The following PCM1 variants were observed in gnomAD, a reference collection of about 807,000 sequenced individuals.
PCM1 encodes pericentriolar material 1 protein.
Under a neutral mutation model 241.9 loss-of-function variants are expected in PCM1, and 157 were observed. That is an observed-to-expected ratio of 0.65 (90% CI 0.57 to 0.74). The LOEUF (loss-of-function observed/expected upper bound fraction) is 0.74, where lower values mean the gene tolerates loss of function less well. Among genes scored for constraint, PCM1 ranks in the 30% least tolerant of loss-of-function variants. PCM1 has a pLI of 0.00. For synonymous variants in PCM1, 1,085 were observed against 784.9 expected (o/e 1.38, Z -6.39); for missense variants, 3,478 against 2,360.1 (o/e 1.47, Z -9.81).
At chr8:17,984,814 ACT>A (rs1226440747) in intron 24 of PCM1, among the ~76,000 whole-genome samples, 6 of 151,934 alleles carry the variant, frequency 3.9e-5, no homozygotes, top group African/African-American at 1.4e-4. Context: ...GAAACTGAAA[ACT>A]TCAGTTGGAT....
chr8:17,977,200 T>C (rs1031064485), intron 23 of PCM1, among the ~76,000 whole-genome samples: 2 of 152,196 alleles, frequency 1.3e-5, no homozygotes, highest in Admixed American at 6.5e-5. Context: ...ATTTTACATA[T>C]TGCTTTTGGC....
intron 26 of PCM1, among the ~76,000 whole-genome samples, chr8:17,986,431 T>TA (rs1393452630): frequency 6.9e-6 from 1 of 143,900 alleles, no homozygotes; most frequent in Non-Finnish European, 1.5e-5. Flanking sequence ...CAGATTACAG[T>TA]AAAAACACTT....
chr8:17,925,269 A>G (rs2056475626), intron 2 of PCM1: 3 of 152,206 alleles, frequency 2.0e-5, no homozygotes, highest in African/African-American at 7.2e-5. Flanking sequence ...AAGTTACTTG[A>G]AACATTACTT....
chr8:17,947,124 A>T, intron 6 of PCM1, 62 bp from the exon 7 acceptor site: 2 of 1,047,752 alleles, frequency 1.9e-6, no homozygotes, highest in South Asian at 1.7e-5. Context: ...TGCCATTGAT[A>T]ATTGAAACCG....
rs1437601720 is a variant in PCM1, at chr8:18,011,780, C to G, written c.5464C>G (p.Leu1822Val). ...AGGCCCTGTGGATGTCCAGACTTCC[C>G]TCCAGGCTAACACTGAAGCTACTGA... ...EEGPVDVQTS[L>V]QANTEATEEN... The change falls in exon 34 of 39, where the codon CTC (leucine) becomes GTC (valine). Residue 1822 changes from leucine to valine, a missense_variant. Coordinates refer to ENST00000325083, the MANE Select transcript of PCM1 (RefSeq NM_006197.4). 6.2e-7 allele frequency: 1 copy of G among 1,613,632 alleles called. No homozygotes were observed. Among genetic ancestry groups the G allele is most frequent in the Admixed American group, 1.7e-5 (1 of 59,962 alleles).
intron 24 of PCM1, 29 bp downstream of exon 24, chr8:17,980,784 T>G (rs754859797): frequency 1.3e-6 from 2 of 1,536,846 alleles, no homozygotes; most frequent in South Asian, 1.2e-5. Flanking sequence ...TGCATTAATA[T>G]AAGGAGGTTT....
rs780135972 is a variant in PCM1, at chr8:17,991,576, C to T, written c.4566C>T (p.Ala1522=). The change falls in exon 28 of 39, where the codon GCC becomes GCT. Residue 1522 remains alanine (A), a synonymous_variant. Coordinates refer to ENST00000325083, the MANE Select transcript of PCM1 (RefSeq NM_006197.4). ...TGATTCACTTAGATCAAGCATTAGC[C>T]AGAATGAGAGAATATGAGCGTATGA... ...NTVIHLDQAL[A]RMREYERMKT... 6.2e-7 allele frequency: 1 copy of T among 1,601,742 alleles called. No homozygotes were observed. The highest frequency in any genetic ancestry group is 8.5e-7 in the Non-Finnish European group (1 of 1,173,732).
intron 29 of PCM1, among the ~76,000 whole-genome samples, chr8:18,001,991 CTTTCTTTTTTTTTTT>C (rs2089628647): frequency 3.9e-5 from 1 of 25,526 alleles, no homozygotes; most frequent in Non-Finnish European, 6.9e-5. Flanking sequence ...TGCTTCTAAC[CTTTCTTTTTTTTTTT>C]TTTTTTTTTT....
intron 4 of PCM1, among the ~76,000 whole-genome samples, chr8:17,938,019 G>C (rs889875573): frequency 5.3e-5 from 8 of 152,102 alleles, no homozygotes; most frequent in Non-Finnish European, 1.0e-4. Flanking sequence ...TTTTCAGACA[G>C]TTCTTCATGT....
chr8:17,997,233 G>A (rs1453245994), intron 29 of PCM1, among the ~76,000 whole-genome samples: 2 of 151,982 alleles, frequency 1.3e-5, no homozygotes, highest in African/African-American at 2.4e-5. Context: ...GACCTGTAAG[G>A]ATTCTAGTGA....
chr8:18,017,230 C>T lies in PCM1; in HGVS notation c.5841+2390C>T, dbSNP rs1183158675. On this transcript the variant is annotated intron_variant, in intron 36 of 38. Transcript: ENST00000325083. The stretch of plus-strand genomic sequence containing the variant: ...AAAGTTGAATCTATTTCTGATTACA[C>T]GGCTAAATTGGAAATCTCATTTGTT... Among the ~76,000 whole-genome samples the T allele has an allele frequency of 5.3e-5, 8 of 152,146 alleles. No homozygotes were observed. In the East Asian group the frequency reaches 7.7e-4, roughly 15 times the overall value.
At chr8:18,000,440 T>A (rs2088885772) in intron 29 of PCM1, among the ~76,000 whole-genome samples, 1 of 152,022 alleles carries the variant, frequency 6.6e-6, no homozygotes, top group Non-Finnish European at 1.5e-5. Flanking sequence ...AGAAGAGAAA[T>A]GATAGTGGCT....
chr8:17,977,958 C>T (rs1167935095), intron 23 of PCM1, among the ~76,000 whole-genome samples: 2 of 151,944 alleles, frequency 1.3e-5, no homozygotes, highest in Non-Finnish European at 2.9e-5. Context: ...GACCTAGTTA[C>T]CAGGGAGAAA....
chr8:17,942,455 CA>C (rs1054168090), intron 6 of PCM1, among the ~76,000 whole-genome samples: 22 of 145,856 alleles, frequency 1.5e-4, no homozygotes, highest in East Asian at 2.0e-4. Context: ...GACTGCGTCT[CA>C]AAAAAAAAAT....
chr8:17,978,704 A>G (rs1339793777), intron 23 of PCM1, among the ~76,000 whole-genome samples: 2 of 152,326 alleles, frequency 1.3e-5, no homozygotes, highest in African/African-American at 2.4e-5. Context: ...GAATCAAAAT[A>G]GAGACCTTTA....
Position 17,980,576 on chromosome 8 carries a change from C to CT in PCM1, c.3944-8dup, listed in dbSNP as rs759666827. On this transcript the variant is annotated splice_polypyrimidine_tract_variant and intron_variant, in intron 23 of 38. Coordinates refer to ENST00000325083, the MANE Select transcript of PCM1 (RefSeq NM_006197.4). ...TAGTTGCAACTGATAACAGTTGTCA[C>CT]TTTTTTTACTCAAGGGTATGAAAGT... 9.6e-6 allele frequency: 15 copies of CT among 1,560,706 alleles called. No individual in the cohort carries two copies. The highest frequency in any genetic ancestry group is 6.8e-5 in the East Asian group (3 of 44,072).
intron 3 of PCM1, among the ~76,000 whole-genome samples, chr8:17,936,290 G>A (rs2060411629): frequency 6.6e-6 from 1 of 152,096 alleles, no homozygotes; most frequent in Non-Finnish European, 1.5e-5. Context: ...CAGGTTGGCA[G>A]GAATATTCAC....
At chr8:18,012,429 CTG>C (rs1270291913) in intron 34 of PCM1, among the ~76,000 whole-genome samples, 1 of 152,168 alleles carries the variant, frequency 6.6e-6, no homozygotes, top group African/African-American at 2.4e-5. Context: ...TAATCTCTCA[CTG>C]TGCTCCATTT....
intron 2 of PCM1, chr8:17,925,674 A>G (rs946761188): frequency 4.6e-5 from 7 of 152,270 alleles, no homozygotes; most frequent in African/African-American, 1.7e-4. Flanking sequence ...TCTCTACTAA[A>G]AATACAAAAA....
Sources: gnomAD v4.1 joint callset for allele counts (sites outside exome capture counted in the v4.1 genomes callset) on GRCh38, gnomAD v4.1.1 for gene constraint, MANE v1.5 for transcripts, NCBI Gene and HGNC (gene_info 2026-07-23, HGNC 2026-07-21) for gene names.